Variants in PLPPR1 observed in about 807,000 individuals in gnomAD.
PLPPR1 encodes phospholipid phosphatase-related protein type 1.
In PLPPR1, 10 loss-of-function variants were observed where a neutral mutation model predicts 33.1. That is an observed-to-expected ratio of 0.30 (90% CI 0.19 to 0.51). The LOEUF (loss-of-function observed/expected upper bound fraction) is 0.51, where lower values mean the gene tolerates loss of function less well. PLPPR1 is among the 20% of genes least tolerant of loss of function. The probability of loss-of-function intolerance (pLI) is 0.97; values close to 1 mark genes in which losing one functional copy is unlikely to be tolerated. For missense variants in PLPPR1, 304 were observed against 408.1 expected, an observed-to-expected ratio of 0.74 and a Z score of 2.20; for synonymous variants, 151 against 151.0, an observed-to-expected ratio of 1.00 and a Z score of 0.00.
At chr9:101,175,627 T>A (rs569298598) in intron 1 of PLPPR1, among the ~76,000 whole-genome samples, 137 of 152,316 alleles carry the variant, frequency 9.0e-4, no homozygotes, top group Non-Finnish European at 1.8e-3. Flanking sequence ...GAATACAGGG[T>A]ATTTGACTAG....
At chr9:101,049,739 C>T (rs1267507778) in intron 1 of PLPPR1, among the ~76,000 whole-genome samples, 1 of 151,488 alleles carries the variant, frequency 6.6e-6, no homozygotes, top group African/African-American at 2.4e-5. Context: ...TTGTAAAATT[C>T]TATTTTTGTA....
At chr9:101,322,198 CAAAAAAAAAAAAAAA>C (rs57344415) in intron 7 of PLPPR1, among the ~76,000 whole-genome samples, 35 of 27,678 alleles carry the variant, frequency 1.3e-3, no homozygotes, top group African/African-American at 3.6e-3. Context: ...GACTTCATCT[CAAAAAAAAAAAAAAA>C]AAAAAAAAAA....
At chr9:101,297,800 T>C (rs906108154) in intron 4 of PLPPR1, among the ~76,000 whole-genome samples, 1 of 152,212 alleles carries the variant, frequency 6.6e-6, no homozygotes, top group Non-Finnish European at 1.5e-5. Context: ...CCTCTTCATT[T>C]CTTTTACTTT....
At position 101,062,100 on chromosome 9, in the gene PLPPR1, C is replaced by CTT. The variant is rs146157659; in HGVS notation, c.-46+32999_-46+33000insTT. ...GCAGTTTCTAGCTGTCAATCAAACTCTGTCTTTTGCAAGTATTTCTGGGGC... is the reference window on the plus strand; with the variant it reads ...GCAGTTTCTAGCTGTCAATCAAACTCTTTGTCTTTTGCAAGTATTTCTGGGGC... On this transcript the variant is annotated intron_variant, in intron 1 of 7. Transcript: ENST00000374874. Among the ~76,000 whole-genome samples the CTT allele has an allele frequency of 9.4e-3, 1,430 of 151,926 alleles. 11 individuals carry two copies. Among genetic ancestry groups the CTT allele is most frequent in the Non-Finnish European group, 0.012 (800 of 67,914 alleles).
chr9:101,125,551 T>G (rs1311109866), intron 1 of PLPPR1: 2 of 474,200 alleles, frequency 4.2e-6, no homozygotes, highest in African/African-American at 2.0e-5. Flanking sequence ...GAATAGGAAG[T>G]GCTGTCTCCT....
At chr9:101,095,731 A>C (rs1444638385) in intron 1 of PLPPR1, among the ~76,000 whole-genome samples, 4 of 152,042 alleles carry the variant, frequency 2.6e-5, no homozygotes, top group African/African-American at 9.7e-5. Context: ...CACCAGTCTG[A>C]CTCCAAACAC....
intron 3 of PLPPR1, among the ~76,000 whole-genome samples, chr9:101,276,745 G>A: frequency 6.6e-6 from 1 of 152,194 alleles, no homozygotes; most frequent in East Asian, 1.9e-4. Flanking sequence ...TATATCAAGT[G>A]CCACCTAAAG....
chr9:101,094,554 C>G (rs1208688526), intron 1 of PLPPR1, among the ~76,000 whole-genome samples: 1 of 152,094 alleles, frequency 6.6e-6, no homozygotes. Flanking sequence ...GAGCTTAGGA[C>G]TGTTTTATTT....
chr9:101,161,334 G>T (rs899484243), intron 1 of PLPPR1, among the ~76,000 whole-genome samples: 2 of 152,114 alleles, frequency 1.3e-5, no homozygotes, highest in Non-Finnish European at 2.9e-5. Context: ...GGGTTATGGG[G>T]TATCTATCTC....
At chr9:101,260,877 G>T (rs1370214197) in intron 2 of PLPPR1, among the ~76,000 whole-genome samples, 1 of 152,144 alleles carries the variant, frequency 6.6e-6, no homozygotes, top group Non-Finnish European at 1.5e-5. Flanking sequence ...CCAGGCTGAA[G>T]AAAAGGGAAA....
Position 101,270,598 on chromosome 9 carries a change from C to T in PLPPR1, c.252+530C>T, listed in dbSNP as rs1828078666. Among the ~76,000 whole-genome samples the T allele has an allele frequency of 1.3e-5, 2 of 152,106 alleles. 1 individual carries two copies. Among genetic ancestry groups the T allele is most frequent in the South Asian group, 4.1e-4 (2 of 4,828 alleles). ...GGCTCTGGCTCTGTTCACATTACAT[C>T]ACATTAAATTAAGTTGCAACTTTAC... On this transcript the variant is annotated intron_variant, in intron 3 of 7. Transcript: ENST00000374874.
intron 1 of PLPPR1, chr9:101,125,544 T>C (rs1831234796): frequency 6.6e-6 from 3 of 454,636 alleles, no homozygotes; most frequent in Non-Finnish European, 1.2e-5. Flanking sequence ...TTGAAGGGAA[T>C]AGGAAGTGCT....
chr9:101,269,286 C>G (rs1352576201), intron 2 of PLPPR1, among the ~76,000 whole-genome samples: 1 of 151,986 alleles, frequency 6.6e-6, no homozygotes, highest in Non-Finnish European at 1.5e-5. Context: ...TGGCAGAAAC[C>G]ATTTTGGAAA....
At chr9:101,242,518 A>T (rs921730650) in intron 2 of PLPPR1, among the ~76,000 whole-genome samples, 1 of 151,932 alleles carries the variant, frequency 6.6e-6, no homozygotes, top group South Asian at 2.1e-4. Flanking sequence ...CATTTCTTCA[A>T]TCATTGCTTC....
chr9:101,167,141 G>GGTGTGTGTGTGTGTGTGTGTGTGTGTGT (rs756843224), intron 1 of PLPPR1, among the ~76,000 whole-genome samples: 492 of 39,734 alleles, frequency 0.012, 55 homozygotes, highest in Admixed American at 0.017. Context: ...TATGTCTCTC[G>GGTGTGTGTGTGTGTGTGTGTGTGTGTGT]GTGTGTGTGT....
intron 5 of PLPPR1, among the ~76,000 whole-genome samples, chr9:101,310,218 GC>G (rs1489273265): frequency 1.3e-5 from 2 of 152,010 alleles, no homozygotes; most frequent in African/African-American, 4.8e-5. Flanking sequence ...CTCTTGTCTG[GC>G]TTATGCATTC....
At chr9:101,296,373 T>C (rs1413885677) in intron 4 of PLPPR1, among the ~76,000 whole-genome samples, 1 of 151,574 alleles carries the variant, frequency 6.6e-6, no homozygotes, top group Non-Finnish European at 1.5e-5. Flanking sequence ...AGTTCAACCA[T>C]TGTGGAAGTC....
At chr9:101,317,265 C>A in intron 6 of PLPPR1, 100 bp from the exon 7 acceptor site, 1 of 1,284,360 alleles carries the variant, frequency 7.8e-7, no homozygotes, top group Non-Finnish European at 1.1e-6. Context: ...AAAGGTCACT[C>A]TGGTGATGAT....
chr9:101,180,143 TACAC>T (rs369914371), intron 1 of PLPPR1, among the ~76,000 whole-genome samples: 6,054 of 37,582 alleles, frequency 0.16, 575 homozygotes, highest in Non-Finnish European at 0.19. Context: ...TATATATATA[TACAC>T]ACACACACAC....
Sources: allele counts gnomAD v4.1 joint callset (sites outside exome capture counted in the v4.1 genomes callset), GRCh38; gene constraint gnomAD v4.1.1; transcripts MANE v1.5; gene names NCBI Gene and HGNC (gene_info 2026-07-23, HGNC 2026-07-21).